The following WDR44 variants were observed in gnomAD, a reference collection of about 807,000 sequenced individuals.
WDR44 encodes WD repeat domain 44, also known as WD repeat-containing protein 44.
WDR44 carries 9 observed loss-of-function variants against 65.7 expected under a neutral mutation model. That is an observed-to-expected ratio of 0.14 (90% CI 0.08 to 0.24). The LOEUF (loss-of-function observed/expected upper bound fraction) is 0.24. WDR44 is among the 10% of genes least tolerant of loss of function. The pLI, the probability that WDR44 is intolerant of heterozygous loss-of-function variation, is 1.00. For synonymous variants in WDR44, 220 were observed against 235.2 expected, an observed-to-expected ratio of 0.94 and a Z score of 0.59; for missense variants, 425 against 670.9, an observed-to-expected ratio of 0.63 and a Z score of 4.05.
chrX:118,359,743 T>G (rs2056495206), intron 1 of WDR44, among the ~76,000 whole-genome samples: 1 of 112,482 alleles, frequency 8.9e-6, no homozygotes, highest in South Asian at 3.6e-4. Context: ...TAATTATTAG[T>G]TAATTTTAGA....
intron 12 of WDR44, among the ~76,000 whole-genome samples, chrX:118,429,356 A>G (rs957391098): frequency 3.7e-4 from 41 of 111,140 alleles, no homozygotes; most frequent in African/African-American, 1.3e-3. Flanking sequence ...TGGGAGGCTG[A>G]GGCAGGTGGA....
intron 2 of WDR44, among the ~76,000 whole-genome samples, chrX:118,383,864 C>CT (rs1158660331): frequency 9.1e-5 from 8 of 87,779 alleles, no homozygotes; most frequent in African/African-American, 1.7e-4. Context: ...ATTTTTATTT[C>CT]TTTTTTTTAA....
intron 10 of WDR44, among the ~76,000 whole-genome samples, chrX:118,408,847 C>T (rs1009557266): frequency 1.8e-5 from 2 of 111,749 alleles, no homozygotes; most frequent in Non-Finnish European, 1.9e-5. Flanking sequence ...GACTAAGATC[C>T]CCAGCTAGGA....
At position 118,383,752 on chromosome X, in the gene WDR44, G is replaced by A. The variant is rs773023901; in HGVS notation, c.112-3588G>A. ...TTTTTTTTTTTGGAGACAGAGTCTC[G>A]CTCTGTCCCAGGCTGGACCAAGTAT... On this transcript the variant is annotated intron_variant, in intron 2 of 19. Transcript: ENST00000254029. Among the ~76,000 whole-genome samples, 14 of 92,597 alleles carry A rather than the reference G, an allele frequency of 1.5e-4. 1 individual carries two copies. The highest frequency in any genetic ancestry group is 5.0e-4 in the African/African-American group (12 of 24,007). The allele number at this position is 92,597 out of a possible 115,157, so 80.4% of individuals were successfully genotyped here.
intron 3 of WDR44, among the ~76,000 whole-genome samples, chrX:118,390,612 T>G (rs1412444429): frequency 1.8e-5 from 2 of 111,069 alleles, no homozygotes; most frequent in African/African-American, 6.6e-5. Flanking sequence ...ACATTTCCAT[T>G]ATGTGTAGTG....
In WDR44 at chrX:118,433,692, A is replaced by G. The variant is rs762408510; in HGVS notation, c.1851+798A>G. On this transcript the variant is annotated intron_variant, in intron 13 of 19. Transcript: ENST00000254029. ...TAAATATAAAGCACTTGCCTAGAACATAATAAATGTTCAATTAATATTAGC... is the reference window on the plus strand; with the variant it reads ...TAAATATAAAGCACTTGCCTAGAACGTAATAAATGTTCAATTAATATTAGC... Among the ~76,000 whole-genome samples, 17 of 112,266 alleles carry G rather than the reference A, an allele frequency of 1.5e-4. No homozygotes were observed. In the South Asian group the frequency reaches 2.2e-3, roughly 15 times the overall value.
At chrX:118,428,422 G>A (rs1412233440) in intron 12 of WDR44, among the ~76,000 whole-genome samples, 9 of 111,230 alleles carry the variant, frequency 8.1e-5, no homozygotes, top group African/African-American at 2.6e-4. Context: ...TTACAGGGAC[G>A]AACTACCGTG....
At chrX:118,382,262 G>A (rs940438997) in intron 2 of WDR44, among the ~76,000 whole-genome samples, 5 of 111,216 alleles carry the variant, frequency 4.5e-5, no homozygotes, top group Admixed American at 1.9e-4. Context: ...GTTTTTGCTC[G>A]GGAACTAAGA....
chrX:118,367,100 AT>A (rs2056561094), intron 1 of WDR44, among the ~76,000 whole-genome samples: 1 of 111,709 alleles, frequency 9.0e-6, no homozygotes, highest in Non-Finnish European at 1.9e-5. Flanking sequence ...AAAAAAAAAA[AT>A]GAAATGGTTT....
intron 1 of WDR44, among the ~76,000 whole-genome samples, chrX:118,356,903 G>A (rs1270857895): frequency 9.6e-6 from 1 of 103,718 alleles, no homozygotes; most frequent in African/African-American, 3.5e-5. Flanking sequence ...GAGTGCAGTG[G>A]CACAATCTCG....
At chrX:118,391,620 G>C (rs1047947897) in intron 3 of WDR44, among the ~76,000 whole-genome samples, 2 of 111,710 alleles carry the variant, frequency 1.8e-5, no homozygotes, top group African/African-American at 6.5e-5. Flanking sequence ...GTAATGACAA[G>C]ACTGGGGAGA....
chrX:118,423,389 G>T (rs1029807152), intron 12 of WDR44, among the ~76,000 whole-genome samples: 2 of 111,444 alleles, frequency 1.8e-5, no homozygotes, highest in African/African-American at 6.5e-5. Context: ...GGCTGGTCTC[G>T]AACTCCTGAC....
intron 1 of WDR44, among the ~76,000 whole-genome samples, chrX:118,356,300 G>T (rs2683003): frequency 0.43 from 47,842 of 110,335 alleles, 10,799 homozygotes; most frequent in African/African-American, 0.86. Flanking sequence ...AAGAGTTATG[G>T]TCTTTGTTCC....
chrX:118,388,683 G>T (rs1463529633), intron 3 of WDR44, among the ~76,000 whole-genome samples: 2 of 111,470 alleles, frequency 1.8e-5, no homozygotes, highest in East Asian at 5.6e-4. Flanking sequence ...AACAGGAATT[G>T]AACCATTTTT....
intron 1 of WDR44, among the ~76,000 whole-genome samples, chrX:118,351,806 C>T (rs1356384374): frequency 9.1e-6 from 1 of 110,140 alleles, no homozygotes; most frequent in African/African-American, 3.3e-5. Context: ...AAAAATTAGC[C>T]GAGCATGGTA....
intron 12 of WDR44, among the ~76,000 whole-genome samples, chrX:118,416,995 T>C (rs145665606): frequency 0.019 from 2,140 of 112,068 alleles, 29 homozygotes; most frequent in Non-Finnish European, 0.029. Flanking sequence ...TTGTCTGATA[T>C]AAGAATAGCT....
At chrX:118,406,405 AAAAT>A (rs772239546) in intron 9 of WDR44, among the ~76,000 whole-genome samples, 43 of 111,445 alleles carry the variant, frequency 3.9e-4, no homozygotes, top group East Asian at 2.0e-3. Context: ...TGTTTGTATA[AAAAT>A]AAATAAATAA....
At chrX:118,424,859 C>T (rs1256274364) in intron 12 of WDR44, among the ~76,000 whole-genome samples, 1 of 111,572 alleles carries the variant, frequency 9.0e-6, no homozygotes, top group Non-Finnish European at 1.9e-5. Context: ...GTATTTAATA[C>T]ATTTTGAGTT....
At chrX:118,389,038 A>G (rs942443125) in intron 3 of WDR44, among the ~76,000 whole-genome samples, 1 of 112,082 alleles carries the variant, frequency 8.9e-6, no homozygotes, top group African/African-American at 3.2e-5. Flanking sequence ...ATGTATAACT[A>G]TCTATAGTTA....
Sources: gnomAD v4.1 joint callset for allele counts (sites outside exome capture counted in the v4.1 genomes callset) on GRCh38, gnomAD v4.1.1 for gene constraint, MANE v1.5 for transcripts, NCBI Gene and HGNC (gene_info 2026-07-23, HGNC 2026-07-21) for gene names.